Variants in FUBP1 observed in about 807,000 individuals in gnomAD.
FUBP1 encodes the protein far upstream element binding protein 1.
Under a neutral mutation model 94.9 loss-of-function variants are expected in FUBP1, and 16 were observed. The ratio of observed to expected loss-of-function variants is 0.17; its 90% CI spans 0.11 to 0.26. The LOEUF is 0.26. FUBP1 is among the 10% of genes least tolerant of loss of function. FUBP1 has a pLI of 1.00. For synonymous variants in FUBP1, 279 were observed against 254.9 expected, an observed-to-expected ratio of 1.09 and a Z score of -0.90; for missense variants, 583 against 808.6, an observed-to-expected ratio of 0.72 and a Z score of 3.38.
intron 8 of FUBP1, 37 bp from the exon 9 acceptor site, chr1:77,965,005 G>A: frequency 9.4e-6 from 15 of 1,590,844 alleles, no homozygotes; most frequent in Non-Finnish European, 1.1e-5. Context: ...ATTAACAAAA[G>A]GAAGTGGACA....
rs538795558 is a variant in FUBP1, at chr1:77,944,688, C to A, written c.*4078G>T. 6.6e-6 allele frequency among the ~76,000 whole-genome samples: 1 copy of A among 152,002 alleles called. No individual in the cohort carries two copies. Among genetic ancestry groups the A allele is most frequent in the Non-Finnish European group, 1.5e-5 (1 of 67,828 alleles). ...TATTCAAACAAATAAAATGCTATCA[C>A]TTCTGAATGACTCCCCTTTCCCTCT... On this transcript the variant is annotated 3_prime_UTR_variant, in exon 20 of 20. Coordinates refer to ENST00000370768, the MANE Select transcript of FUBP1 (RefSeq NM_003902.5).
intron 1 of FUBP1, among the ~76,000 whole-genome samples, chr1:77,974,197 G>C (rs557896704): frequency 6.7e-6 from 1 of 149,128 alleles, no homozygotes; most frequent in African/African-American, 2.5e-5. Context: ...ATGCAGTGGC[G>C]CGATCTCGGT....
rs575394371 is a variant in FUBP1, at chr1:77,963,119, G to A, written c.1184-189C>T. Among the ~76,000 whole-genome samples, 6 of 152,182 alleles carry A rather than the reference G, an allele frequency of 3.9e-5. No individual in the cohort carries two copies. In the South Asian group the frequency reaches 1.2e-3, roughly 32 times the overall value. ...AATCAAATTTTAGGAAGCATTTCAT[G>A]CTTCTCTTAAAATACATTTACATTT... is the stretch of plus-strand genomic sequence containing the variant. On this transcript the variant is annotated intron_variant, in intron 13 of 19. Coordinates refer to ENST00000370768, the MANE Select transcript of FUBP1 (RefSeq NM_003902.5).
At position 77,967,254 on chromosome 1, in the gene FUBP1, A is replaced by C. The variant is rs546059533; in HGVS notation, c.291-153T>G. On this transcript the variant is annotated intron_variant, in intron 4 of 19. Transcript: ENST00000370768. The stretch of plus-strand genomic sequence containing the variant: ...GACTCATGTCAAAAAATATGATCTT[A>C]TTACTTGAGTAGTTAAATTAAGAAA... 2.6e-5 allele frequency among the ~76,000 whole-genome samples: 4 copies of C among 152,350 alleles called. No individual in the cohort carries two copies. The East Asian group carries it at 7.7e-4, about 29-fold the overall frequency.
chr1:77,977,479 T>A (rs1339843307), intron 1 of FUBP1, among the ~76,000 whole-genome samples: 1 of 152,106 alleles, frequency 6.6e-6, no homozygotes, highest in South Asian at 2.1e-4. Context: ...TGGGACGAGA[T>A]CGCACCACTG....
At chr1:77,958,405 A>C (rs957137606) in intron 16 of FUBP1, among the ~76,000 whole-genome samples, 5 of 152,252 alleles carry the variant, frequency 3.3e-5, no homozygotes, top group Non-Finnish European at 5.9e-5. Context: ...TTTGACTCTG[A>C]AGTCTAAATT....
In FUBP1 at chr1:77,947,511, C is replaced by G. The variant is rs1255970148; in HGVS notation, c.*1255G>C. ...ATGATACACAGCACAGTCCTCCTCA[C>G]CCCTACAGAGCTAGTTCTATACTGG... On this transcript the variant is annotated 3_prime_UTR_variant, in exon 20 of 20. Coordinates refer to ENST00000370768, the MANE Select transcript of FUBP1 (RefSeq NM_003902.5). 1 of 1,345,586 alleles carries G rather than the reference C, an allele frequency of 7.4e-7. No homozygotes were observed. Among genetic ancestry groups the G allele is most frequent in the Non-Finnish European group, 9.8e-7 (1 of 1,020,328 alleles). The allele number at this position is 1,345,586 out of a possible 1,614,324, so 83.4% of individuals were successfully genotyped here.
chr1:77,963,093 A>C (rs1655810801), intron 13 of FUBP1, among the ~76,000 whole-genome samples, 163 bp from the exon 14 acceptor site: 2 of 152,232 alleles, frequency 1.3e-5, no homozygotes, highest in Admixed American at 1.3e-4. Flanking sequence ...TCTACACTGA[A>C]AATCAAATTT....
chr1:77,947,735 G>A lies in FUBP1; in HGVS notation c.*1031C>T, dbSNP rs1652452743. Reference sequence around the variant, plus strand: ...CATAAAAAAATTAAGTTGATTCAATGATTGGACTTGTGCATTTACAAAACA... The same window carrying A: ...CATAAAAAAATTAAGTTGATTCAATAATTGGACTTGTGCATTTACAAAACA... On this transcript the variant is annotated 3_prime_UTR_variant, in exon 20 of 20. Transcript: ENST00000370768. 1.8e-6 allele frequency: 1 copy of A among 560,226 alleles called. No individual in the cohort carries two copies. Among genetic ancestry groups the A allele is most frequent in the South Asian group, 2.0e-5 (1 of 50,972 alleles). 34.7% of individuals were successfully genotyped at this position (560,226 alleles called of 1,614,324 possible).
intron 9 of FUBP1, 26 bp downstream of exon 9, chr1:77,964,844 T>C: frequency 1.3e-6 from 2 of 1,537,180 alleles, no homozygotes; most frequent in Non-Finnish European, 1.8e-6. Context: ...CCACTCTTTC[T>C]TTATAAAGTA....
chr1:77,975,416 T>TA (rs144726257), intron 1 of FUBP1, among the ~76,000 whole-genome samples: 276 of 143,376 alleles, frequency 1.9e-3, no homozygotes, highest in African/African-American at 3.9e-3. Flanking sequence ...CTGATGGAAA[T>TA]AAAAAAAAAA....
chr1:77,970,186 A>T (rs1228600748), intron 1 of FUBP1, among the ~76,000 whole-genome samples, 171 bp from the exon 2 acceptor site: 1 of 152,170 alleles, frequency 6.6e-6, no homozygotes, highest in Non-Finnish European at 1.5e-5. Context: ...TTAATACTTC[A>T]GGCAGTTAAC....
chr1:77,964,510 T>G (rs978109864), intron 10 of FUBP1, 136 bp downstream of exon 10: 2 of 669,032 alleles, frequency 3.0e-6, no homozygotes, highest in Non-Finnish European at 5.1e-6. Flanking sequence ...TAACAAGATA[T>G]ATAGAATTCT....
rs1292532369 is a variant in FUBP1, at chr1:77,970,038, C to T, written c.121-23G>A. ...AATCTAAAAAAAAAAAAGAAAAATA[C>T]CATCATAAACTATTATATACTATTC... is the stretch of plus-strand genomic sequence containing the variant. On this transcript the variant is annotated intron_variant, in intron 1 of 19. Transcript: ENST00000370768. 2.5e-6 allele frequency: 3 copies of T among 1,219,898 alleles called. No individual in the cohort carries two copies. In the African/African-American group the frequency reaches 4.6e-5, roughly 19 times the overall value. 75.6% of individuals were successfully genotyped at this position (1,219,898 alleles called of 1,614,324 possible).
rs1263919095 is a variant in FUBP1 at position 77,947,315 on chromosome 1, G to C, written c.*1451C>G. 2.7e-6 allele frequency: 1 copy of C among 372,222 alleles called. No homozygotes were observed. The highest frequency in any genetic ancestry group is 5.2e-6 in the Non-Finnish European group (1 of 192,632). 23.1% of individuals were successfully genotyped at this position (372,222 alleles called of 1,614,324 possible). The stretch of plus-strand genomic sequence containing the variant: ...TATGTATTATTCTATGTTAAATTAA[G>C]AGGCAGTTATGGTTTTCCAAGATAT... On this transcript the variant is annotated 3_prime_UTR_variant, in exon 20 of 20. Coordinates refer to ENST00000370768, the MANE Select transcript of FUBP1 (RefSeq NM_003902.5).
rs780400092 is a variant in FUBP1, at chr1:77,963,725, G to A, written c.1042-10C>T. The A allele has an allele frequency of 4.3e-5, 68 of 1,587,988 alleles. No homozygotes were observed. The highest frequency in any genetic ancestry group is 3.4e-4 in the Middle Eastern group (2 of 5,954). ...CACCAGGATTACCAGCCTATAGAGA[G>A]GGAAAGACAAGAACGAAGAGTCAGC... On this transcript the variant is annotated splice_polypyrimidine_tract_variant and intron_variant, in intron 12 of 19. Coordinates refer to ENST00000370768, the MANE Select transcript of FUBP1 (RefSeq NM_003902.5).
chr1:77,964,434 C>T (rs1656094923), intron 10 of FUBP1, 78 bp from the exon 11 acceptor site: 5 of 886,686 alleles, frequency 5.6e-6, no homozygotes, highest in Non-Finnish European at 8.7e-6. Flanking sequence ...TAAAAAAGCG[C>T]CATTTCCTGA....
Position 77,947,592 on chromosome 1 carries a change from A to G in FUBP1, c.*1174T>C. 8.0e-7 allele frequency: 1 copy of G among 1,245,910 alleles called. No homozygotes were observed. The highest frequency in any genetic ancestry group is 1.1e-6 in the Non-Finnish European group (1 of 929,522). 77.2% of individuals were successfully genotyped at this position (1,245,910 alleles called of 1,614,324 possible). On this transcript the variant is annotated 3_prime_UTR_variant, in exon 20 of 20. Coordinates refer to ENST00000370768, the MANE Select transcript of FUBP1 (RefSeq NM_003902.5). ...GGCAAGACAGACTGTATTTGCATGT[A>G]GTCTAATATATTAATATGCAAAGAG...
At position 77,978,777 on chromosome 1, in the gene FUBP1, G is replaced by A. The variant is rs1043055336; in HGVS notation, c.120+108C>T. ...AACGTGTCTCTTCACATTTCAGCCC[G>A]GAAGAACACCTCTTTCCTCTTCCTC... is the stretch of plus-strand genomic sequence containing the variant. On this transcript the variant is annotated intron_variant, in intron 1 of 19. Transcript: ENST00000370768. 1.7e-5 allele frequency: 23 copies of A among 1,354,290 alleles called. 1 individual carries two copies. The South Asian group carries it at 2.5e-4, about 15-fold the overall frequency. The allele number at this position is 1,354,290 out of a possible 1,614,324, so 83.9% of individuals were successfully genotyped here. A position where few individuals can be genotyped will look rare whatever the true frequency, so the allele number is the denominator to read the frequency against.
Sources: gnomAD v4.1 joint callset for allele counts (sites outside exome capture counted in the v4.1 genomes callset) on GRCh38, gnomAD v4.1.1 for gene constraint, MANE v1.5 for transcripts, NCBI Gene and HGNC (gene_info 2026-07-23, HGNC 2026-07-21) for gene names.